The following AKAP10 variants were observed in gnomAD, a reference collection of about 807,000 sequenced individuals.
AKAP10 encodes A-kinase anchor protein 10, mitochondrial.
AKAP10 carries 24 observed loss-of-function variants against 80.8 expected under a neutral mutation model. The ratio of observed to expected loss-of-function variants is 0.30; its 90% CI spans 0.22 to 0.42. The LOEUF is 0.42. Among genes scored for constraint, AKAP10 ranks in the 10% least tolerant of loss-of-function variants. The pLI, the probability that AKAP10 is intolerant of heterozygous loss-of-function variation, is 1.00. For synonymous variants in AKAP10, 291 were observed against 277.7 expected (o/e 1.05, Z -0.48); for missense variants, 661 against 794.9 (o/e 0.83, Z 2.03).
intron 13 of AKAP10, among the ~76,000 whole-genome samples, chr17:19,909,547 C>T (rs1356824436): frequency 1.3e-5 from 2 of 152,144 alleles, no homozygotes; most frequent in African/African-American, 4.8e-5. Context: ...TTTTTCACCT[C>T]CCATCTCTCA....
chr17:19,932,349 G>A (rs1210598511), intron 9 of AKAP10, among the ~76,000 whole-genome samples: 1 of 151,494 alleles, frequency 6.6e-6, no homozygotes, highest in African/African-American at 2.4e-5. Flanking sequence ...CTACTCGGGA[G>A]GCCTGAGGCA....
At chr17:19,973,122 G>T (rs568467157) in intron 1 of AKAP10, among the ~76,000 whole-genome samples, 20 of 152,214 alleles carry the variant, frequency 1.3e-4, no homozygotes, top group Middle Eastern at 3.4e-3. Flanking sequence ...TGGAATTATA[G>T]ACACCCACCA....
At chr17:19,963,642 C>T (rs1365029616) in intron 2 of AKAP10, among the ~76,000 whole-genome samples, 2 of 152,122 alleles carry the variant, frequency 1.3e-5, no homozygotes, top group African/African-American at 2.4e-5. Flanking sequence ...TGCCTGCAAT[C>T]GCAGTACTTT....
chr17:19,957,269 C>T lies in AKAP10; in HGVS notation c.877+745G>A, dbSNP rs192044654. Among the ~76,000 whole-genome samples the T allele has an allele frequency of 2.6e-5, 4 of 151,402 alleles. No homozygotes were observed. The East Asian group carries it at 7.9e-4, about 30-fold the overall frequency. ...GTAAATAAGATAATCAGTCCGGGCG[C>T]GGTGGCTCATGCCTGTAATCCCAGC... On this transcript the variant is annotated intron_variant, in intron 4 of 14. Coordinates refer to ENST00000225737, the MANE Select transcript of AKAP10 (RefSeq NM_007202.4).
intron 9 of AKAP10, 136 bp downstream of exon 9, chr17:19,936,150 G>T (rs1299153262): frequency 8.2e-6 from 8 of 979,002 alleles, no homozygotes; most frequent in Non-Finnish European, 1.2e-5. Flanking sequence ...CCAGACTCAA[G>T]GCCTCTGCTC....
intron 12 of AKAP10, among the ~76,000 whole-genome samples, chr17:19,912,677 T>C (rs569515109): frequency 6.6e-6 from 1 of 152,322 alleles, no homozygotes; most frequent in South Asian, 2.1e-4. Context: ...ATGGTGTCAC[T>C]GCACTCCAGC....
At chr17:19,950,507 C>T (rs190207459) in intron 4 of AKAP10, among the ~76,000 whole-genome samples, 3,325 of 152,330 alleles carry the variant, frequency 0.022, 44 homozygotes, top group Non-Finnish European at 0.032. Context: ...GACGGGGTTT[C>T]GCTGTGTTGG....
intron 12 of AKAP10, among the ~76,000 whole-genome samples, chr17:19,912,160 AT>A (rs1313557825): frequency 6.6e-6 from 1 of 152,184 alleles, no homozygotes; most frequent in African/African-American, 2.4e-5. Flanking sequence ...CACGCCTGTA[AT>A]CCCAGCACTT....
chr17:19,964,838 A>G (rs1298684324), intron 2 of AKAP10, among the ~76,000 whole-genome samples: 1 of 152,230 alleles, frequency 6.6e-6, no homozygotes, highest in Non-Finnish European at 1.5e-5. Context: ...GGTTGCAGTG[A>G]GCTGCGCGAT....
chr17:19,950,154 A>G (rs1193100235), intron 4 of AKAP10, among the ~76,000 whole-genome samples: 1 of 152,212 alleles, frequency 6.6e-6, no homozygotes, highest in Non-Finnish European at 1.5e-5. Flanking sequence ...AATACAAAAA[A>G]ATTAGCTGGG....
intron 12 of AKAP10, among the ~76,000 whole-genome samples, chr17:19,917,471 TTG>T (rs2042758298): frequency 6.6e-6 from 1 of 152,130 alleles, no homozygotes; most frequent in South Asian, 2.1e-4. Flanking sequence ...CTTAAAAAAA[TTG>T]TGTTTTGTTT....
rs751387167 is a variant in AKAP10, at chr17:19,931,811, C to G, written c.1635G>C (p.Ala545=). Reference sequence around the variant, plus strand: ...AGACGCAATCAGTCAATACCTGAGACGCAGAGCTGTCAGAACTCCCTGGGT... The same window carrying G: ...AGACGCAATCAGTCAATACCTGAGAGGCAGAGCTGTCAGAACTCCCTGGGT... ...ESHPGSSDSS[A]SQSSVKKASI... The change falls in exon 10 of 15, where the codon GCG becomes GCC. Residue 545 remains alanine, a synonymous_variant. Transcript: ENST00000225737. 8.7e-6 allele frequency: 14 copies of G among 1,612,970 alleles called. No individual in the cohort carries two copies. Among genetic ancestry groups the G allele is most frequent in the Non-Finnish European group, 1.2e-5 (14 of 1,179,738 alleles).
intron 14 of AKAP10, among the ~76,000 whole-genome samples, chr17:19,907,049 C>A (rs1240252885): frequency 1.3e-5 from 2 of 151,498 alleles, no homozygotes; most frequent in Non-Finnish European, 2.9e-5. Context: ...CGGAGTTTCA[C>A]TCTTGTGGCC....
chr17:19,933,961 G>A (rs2042965926), intron 9 of AKAP10, among the ~76,000 whole-genome samples: 1 of 151,952 alleles, frequency 6.6e-6, no homozygotes, highest in African/African-American at 2.4e-5. Context: ...TGCTCTTGTT[G>A]CCCAGGCTGG....
intron 9 of AKAP10, among the ~76,000 whole-genome samples, chr17:19,932,923 A>C (rs994892550): frequency 1.3e-5 from 2 of 152,172 alleles, no homozygotes; most frequent in African/African-American, 4.8e-5. Flanking sequence ...TCTACGAAGG[A>C]AAAGTTTGTA....
chr17:19,910,096 G>A, intron 12 of AKAP10, 118 bp from the exon 13 acceptor site: 1 of 889,488 alleles, frequency 1.1e-6, no homozygotes, highest in South Asian at 1.5e-5. Flanking sequence ...GGGAGGCCGA[G>A]GTGGGTGATT....
chr17:19,948,632 AG>A (rs2043163177), intron 4 of AKAP10, among the ~76,000 whole-genome samples: 1 of 152,128 alleles, frequency 6.6e-6, no homozygotes, highest in South Asian at 2.1e-4. Context: ...CTGACTTTCT[AG>A]CCAGACAACA....
chr17:19,942,194 G>A (rs1214084931), intron 5 of AKAP10, among the ~76,000 whole-genome samples: 1 of 152,134 alleles, frequency 6.6e-6, no homozygotes, highest in Non-Finnish European at 1.5e-5. Flanking sequence ...AAGATTTGCA[G>A]CATGCATGAC....
intron 7 of AKAP10, 39 bp downstream of exon 7, chr17:19,940,848 A>C: frequency 1.9e-6 from 3 of 1,547,292 alleles, no homozygotes; most frequent in Non-Finnish European, 2.6e-6. Context: ...TAGAGGCTGG[A>C]ATGCTCGAAT....
Sources: allele counts gnomAD v4.1 joint callset (sites outside exome capture counted in the v4.1 genomes callset), GRCh38; gene constraint gnomAD v4.1.1; transcripts MANE v1.5; gene names NCBI Gene and HGNC (gene_info 2026-07-23, HGNC 2026-07-21).